ABCC8: variants seen among roughly 807,000 people sequenced by gnomAD.
ABCC8 encodes the protein ATP binding cassette subfamily C member 8, also known as ATP-binding cassette sub-family C member 8.
In ABCC8, 137 loss-of-function variants were observed where a neutral mutation model predicts 188.0. That is an observed-to-expected ratio of 0.73 (90% CI 0.63 to 0.84). ABCC8 has a LOEUF of 0.84. Among genes scored for constraint, ABCC8 ranks in the 40% least tolerant of loss-of-function variants. The pLI is 0.00. For missense variants in ABCC8, 1,750 were observed against 2,072.7 expected (o/e 0.84, Z 3.02); for synonymous variants, 797 against 846.5 (o/e 0.94, Z 1.01).
chr11:17,393,698 G>A lies in ABCC8; in HGVS notation c.4607C>T (p.Ala1536Val), dbSNP rs745918247. The A allele has an allele frequency of 3.1e-6, 5 of 1,614,082 alleles. No individual in the cohort carries two copies. The highest frequency in any genetic ancestry group is 2.2e-5 in the South Asian group (2 of 91,092). The change falls in exon 38 of 39, where the codon GCG (alanine) becomes GTG (valine). Residue 1536 changes from alanine to valine, a missense_variant and splice_region_variant. Physicochemically the swap from Ala to Val is moderately conservative, Grantham distance 64. Coordinates refer to ENST00000389817, the MANE Select transcript of ABCC8 (RefSeq NM_000352.6). Reference protein sequence around the residue: ...AFADRTVVTIAHRVHTILSAD... With the variant: ...AFADRTVVTIVHRVHTILSAD... ...GCACCCCATCAATGGGCCCCTTACC[G>A]CGATGGTGACCACAGTGCGGTCTGC...
In ABCC8 at chr11:17,404,667, G is replaced by A; in HGVS notation, c.3402C>T (p.His1134=). The change falls in exon 28 of 39, where the codon CAC becomes CAT. Residue 1134 remains histidine (H), a splice_region_variant and synonymous_variant. Coordinates refer to ENST00000389817, the MANE Select transcript of ABCC8 (RefSeq NM_000352.6). This position sits in a 1 kb window ranked among gnomAD's most constrained non-coding sequence, Gnocchi z 4.7. ...TCAGGCACTCCAGCGTGGATGGGAT[G>A]TGCTGAGGGAGACGAGGGGGAGAGA... is the stretch of plus-strand genomic sequence containing the variant. ...FSSDCNTIDQ[H]IPSTLECLSR... The A allele has an allele frequency of 6.2e-7, 1 of 1,607,682 alleles. No homozygotes were observed. The highest frequency in any genetic ancestry group is 8.5e-7 in the Non-Finnish European group (1 of 1,177,340).
rs760196276 is a variant in ABCC8, at chr11:17,398,337, G to A, written c.3753+2C>T. 9 of 1,614,108 alleles carry A rather than the reference G, an allele frequency of 5.6e-6. No individual in the cohort carries two copies. Among genetic ancestry groups the A allele is most frequent in the African/African-American group, 1.3e-5 (1 of 75,048 alleles). ...GCCAGGGTAGAGGGGAATAGCACTT[G>A]CCATTCGGACTTCCAGCCATCTGTT... On this transcript the variant is annotated splice_donor_variant, in intron 30 of 38. Transcript: ENST00000389817. LOFTEE classifies it low-confidence loss of function (GC_TO_GT_DONOR).
rs554193563 is a variant in ABCC8, at chr11:17,453,007, A to G, written c.1176+112T>C. The G allele has an allele frequency of 2.9e-5, 32 of 1,094,216 alleles. 1 individual carries two copies. The South Asian group carries it at 3.6e-4, about 12-fold the overall frequency. 67.8% of individuals were successfully genotyped at this position (1,094,216 alleles called of 1,614,324 possible). On this transcript the variant is annotated intron_variant, in intron 7 of 38. Coordinates refer to ENST00000389817, the MANE Select transcript of ABCC8 (RefSeq NM_000352.6). ...AAACATCGTTAATGGGCAACAAAAA[A>G]TAAATTTACAGCAGAATTATTCTTG...
At chr11:17,430,699 G>A (rs1219776597) in intron 12 of ABCC8, 115 bp downstream of exon 12, 17 of 1,241,128 alleles carry the variant, frequency 1.4e-5, no homozygotes, top group African/African-American at 3.0e-5. Context: ...GCAAGGCCCA[G>A]CAATGGGGGT....
chr11:17,416,132 G>A (rs1350338185), intron 17 of ABCC8, among the ~76,000 whole-genome samples: 4 of 152,200 alleles, frequency 2.6e-5, no homozygotes, highest in Admixed American at 2.6e-4. Flanking sequence ...ATACCAAAGT[G>A]AAGCCTCTTT....
chr11:17,460,923 T>G, intron 5 of ABCC8: 1 of 676,748 alleles, frequency 1.5e-6, no homozygotes, highest in South Asian at 1.9e-5. Context: ...ACACAGCTGG[T>G]CAGGGACTAT....
chr11:17,443,098 TG>T, intron 9 of ABCC8, 79 bp downstream of exon 9: 1 of 1,549,768 alleles, frequency 6.5e-7, no homozygotes, highest in Non-Finnish European at 8.9e-7. Flanking sequence ...AATGACAGTG[TG>T]GGTGTGTGGG....
intron 10 of ABCC8, among the ~76,000 whole-genome samples, chr11:17,433,954 C>T (rs1955964251): frequency 6.6e-6 from 1 of 152,144 alleles, no homozygotes; most frequent in Non-Finnish European, 1.5e-5. Context: ...CAGGAAACAG[C>T]GTAAGTATTA....
intron 29 of ABCC8, among the ~76,000 whole-genome samples, chr11:17,402,249 C>T (rs1954282807): frequency 6.6e-6 from 1 of 152,140 alleles, no homozygotes; most frequent in South Asian, 2.1e-4. Context: ...ATTCTCAGCA[C>T]CGAGGGTTGC....
At chr11:17,450,261 TC>T (rs528250395) in intron 7 of ABCC8, among the ~76,000 whole-genome samples, 4 of 7,450 alleles carry the variant, frequency 5.4e-4, no homozygotes, top group South Asian at 4.6e-3. Context: ...TCTTTCTTTC[TC>T]TTTCTTTCTT....
In ABCC8 at chr11:17,404,819, C is replaced by A; in HGVS notation, c.3400-150G>T. The A allele has an allele frequency of 7.8e-7, 1 of 1,275,656 alleles. No homozygotes were observed. The highest frequency in any genetic ancestry group is 1.1e-6 in the Non-Finnish European group (1 of 921,294). The allele number at this position is 1,275,656 out of a possible 1,614,324, so 79.0% of individuals were successfully genotyped here. ...CACTGTTGCCCAGACTTGAGTGCAG[C>A]AGCGTAATCTCGGTTCACGGCAGCC... is the stretch of plus-strand genomic sequence containing the variant. On this transcript the variant is annotated intron_variant, in intron 27 of 38. Coordinates refer to ENST00000389817, the MANE Select transcript of ABCC8 (RefSeq NM_000352.6). This position sits in a 1 kb window ranked among gnomAD's most constrained non-coding sequence, Gnocchi z 4.7.
At chr11:17,450,612 T>G (rs1158912092) in intron 7 of ABCC8, among the ~76,000 whole-genome samples, 1 of 148,554 alleles carries the variant, frequency 6.7e-6, no homozygotes, top group Non-Finnish European at 1.5e-5. Flanking sequence ...TTAGCCAGGA[T>G]GGTCTCGATC....
intron 3 of ABCC8, 126 bp from the exon 4 acceptor site, chr11:17,463,730 G>C: frequency 8.2e-7 from 1 of 1,222,084 alleles, no homozygotes; most frequent in Non-Finnish European, 1.1e-6. Context: ...ACATTTCCGA[G>C]TAAGTGGATG....
chr11:17,402,625 G>C, intron 29 of ABCC8, 36 bp downstream of exon 29: 2 of 1,614,210 alleles, frequency 1.2e-6, no homozygotes, highest in Non-Finnish European at 1.7e-6. Flanking sequence ...CCCCACCCCT[G>C]TTCCACTCCT....
intron 18 of ABCC8, among the ~76,000 whole-genome samples, chr11:17,415,044 A>G (rs1444491467): frequency 2.9e-5 from 4 of 138,414 alleles, no homozygotes; most frequent in Non-Finnish European, 6.2e-5. Flanking sequence ...AGGAAGCCAC[A>G]TTTTGAGTGA....
intron 5 of ABCC8, 169 bp from the exon 6 acceptor site, chr11:17,460,845 T>C: frequency 1.4e-6 from 2 of 1,396,354 alleles, no homozygotes; most frequent in Non-Finnish European, 1.9e-6. Flanking sequence ...AGTGCACAGT[T>C]GGGAGGGCCC....
At chr11:17,414,007 G>T (rs981333816) in intron 19 of ABCC8, among the ~76,000 whole-genome samples, 2 of 152,170 alleles carry the variant, frequency 1.3e-5, no homozygotes, top group African/African-American at 4.8e-5. Flanking sequence ...TCACTTACTG[G>T]CTGGGTGGCC....
chr11:17,458,011 TG>T (rs1957057019), intron 6 of ABCC8, among the ~76,000 whole-genome samples: 1 of 152,180 alleles, frequency 6.6e-6, no homozygotes, highest in Admixed American at 6.5e-5. Flanking sequence ...GCTTGGGGGC[TG>T]GGAGATGAAC....
chr11:17,445,943 G>A (rs987538142), intron 8 of ABCC8, among the ~76,000 whole-genome samples: 3 of 150,718 alleles, frequency 2.0e-5, no homozygotes, highest in African/African-American at 7.3e-5. Context: ...CGTGCAGCAG[G>A]TTTAGTAGAC....
Sources: gnomAD v4.1 joint callset for allele counts (sites outside exome capture counted in the v4.1 genomes callset) on GRCh38, gnomAD v4.1.1 for gene constraint, Gnocchi (gnomAD v3.1) non-coding constraint, MANE v1.5 for transcripts, NCBI Gene and HGNC (gene_info 2026-07-23, HGNC 2026-07-21) for gene names.